Variants in GRIK1 observed in about 807,000 individuals in gnomAD.
GRIK1 encodes the protein glutamate ionotropic receptor kainate type subunit 1, also known as glutamate receptor ionotropic, kainate 1.
In GRIK1, 69 loss-of-function variants were observed where a neutral mutation model predicts 105.7. That is an observed-to-expected ratio of 0.65 (90% CI 0.54 to 0.80). GRIK1 has a LOEUF of 0.80. Ranked by LOEUF, GRIK1 falls within the 30% of genes least tolerant of loss-of-function variation. GRIK1 has a pLI of 0.00. For missense variants in GRIK1, 1,109 were observed against 1,167.3 expected (o/e 0.95, Z 0.73); for synonymous variants, 438 against 431.3 (o/e 1.02, Z -0.19).
At chr21:29,577,477 G>A (rs897161299) in intron 13 of GRIK1, among the ~76,000 whole-genome samples, 1 of 152,172 alleles carries the variant, frequency 6.6e-6, no homozygotes, top group African/African-American at 2.4e-5. Context: ...GAATTGAAAA[G>A]TCAACCCCAA....
At chr21:29,717,270 G>C (rs2064201197) in intron 1 of GRIK1, among the ~76,000 whole-genome samples, 1 of 152,240 alleles carries the variant, frequency 6.6e-6, no homozygotes, top group African/African-American at 2.4e-5. Context: ...CCCCCACACA[G>C]AGTCCCCACT....
At chr21:29,902,728 T>C (rs1262560622) in intron 1 of GRIK1, among the ~76,000 whole-genome samples, 4 of 152,170 alleles carry the variant, frequency 2.6e-5, no homozygotes, top group African/African-American at 9.7e-5. Context: ...CCAAAGTAAT[T>C]TATAGACTCA....
chr21:29,544,990 C>T (rs1284830395), intron 16 of GRIK1, among the ~76,000 whole-genome samples: 1 of 152,238 alleles, frequency 6.6e-6, no homozygotes, highest in East Asian at 1.9e-4. Flanking sequence ...GTCTCTGTCT[C>T]AGGCATTCAG....
intron 13 of GRIK1, among the ~76,000 whole-genome samples, chr21:29,580,548 C>A (rs1601173928): frequency 6.6e-6 from 1 of 152,068 alleles, no homozygotes; most frequent in East Asian, 1.9e-4. Context: ...TAGCAATTCC[C>A]TAATGAGAAA....
intron 7 of GRIK1, among the ~76,000 whole-genome samples, chr21:29,623,184 A>G (rs564681071): frequency 9.8e-4 from 149 of 152,322 alleles, no homozygotes; most frequent in African/African-American, 3.5e-3. Flanking sequence ...GCAAAGGAAC[A>G]TCTTATATGG....
Position 29,787,543 on chromosome 21 carries a change from T to C in GRIK1, c.119-93480A>G, listed in dbSNP as rs138676993. On this transcript the variant is annotated intron_variant, in intron 1 of 17. Coordinates refer to ENST00000327783, the MANE Select transcript of GRIK1 (RefSeq NM_001330994.2). ...CACTAATGGACTTTGCACAGCACAATCATTATTAGAAATGCCACTGTGACA... is the reference window on the plus strand; with the variant it reads ...CACTAATGGACTTTGCACAGCACAACCATTATTAGAAATGCCACTGTGACA... Among the ~76,000 whole-genome samples, 487 of 152,338 alleles carry C rather than the reference T, an allele frequency of 3.2e-3. 3 individuals carry two copies. Among genetic ancestry groups the C allele is most frequent in the African/African-American group, 0.011 (474 of 41,586 alleles).
At chr21:29,797,334 C>T (rs974715356) in intron 1 of GRIK1, among the ~76,000 whole-genome samples, 3 of 152,158 alleles carry the variant, frequency 2.0e-5, no homozygotes, top group Non-Finnish European at 4.4e-5. Flanking sequence ...CCTTTCTCAC[C>T]CACGGTTCTG....
intron 1 of GRIK1, among the ~76,000 whole-genome samples, chr21:29,717,325 G>A (rs932793533): frequency 7.2e-5 from 11 of 152,230 alleles, no homozygotes; most frequent in African/African-American, 2.7e-4. Flanking sequence ...CCATCCTCCA[G>A]ACCCCAGGAT....
chr21:29,688,570 A>G (rs926169886), intron 3 of GRIK1, among the ~76,000 whole-genome samples: 1 of 152,248 alleles, frequency 6.6e-6, no homozygotes, highest in African/African-American at 2.4e-5. Flanking sequence ...ATGTGGAATT[A>G]CTAAACTGTT....
chr21:29,575,897 A>G (rs980270059), intron 14 of GRIK1, among the ~76,000 whole-genome samples: 6 of 152,100 alleles, frequency 3.9e-5, no homozygotes, highest in Non-Finnish European at 7.4e-5. Flanking sequence ...AAAACCCCAA[A>G]CAGTCCACTC....
At chr21:29,714,122 T>C (rs1436796122) in intron 1 of GRIK1, among the ~76,000 whole-genome samples, 3 of 152,246 alleles carry the variant, frequency 2.0e-5, no homozygotes, top group Non-Finnish European at 2.9e-5. Context: ...CAGGTTATTC[T>C]ATAGTTATAA....
chr21:29,767,131 G>A (rs1194479965), intron 1 of GRIK1, among the ~76,000 whole-genome samples: 2 of 152,168 alleles, frequency 1.3e-5, no homozygotes, highest in African/African-American at 4.8e-5. Context: ...GGGTAGAATG[G>A]TGCCCATGGA....
At chr21:29,692,991 A>G (rs1328854008) in intron 2 of GRIK1, among the ~76,000 whole-genome samples, 1 of 152,254 alleles carries the variant, frequency 6.6e-6, no homozygotes, top group African/African-American at 2.4e-5. Context: ...ATCTAACTAG[A>G]TTAATTCTAC....
chr21:29,852,779 C>T (rs2068347864), intron 1 of GRIK1, among the ~76,000 whole-genome samples: 1 of 152,036 alleles, frequency 6.6e-6, no homozygotes, highest in South Asian at 2.1e-4. Flanking sequence ...TAATTTTTTC[C>T]ATCTTGGCAC....
chr21:29,663,403 C>T (rs532145537), intron 4 of GRIK1, among the ~76,000 whole-genome samples: 1 of 152,246 alleles, frequency 6.6e-6, no homozygotes, highest in Non-Finnish European at 1.5e-5. Flanking sequence ...AAATGCTGGA[C>T]TCAGCTGTGA....
At chr21:29,706,877 T>A (rs2063918956) in intron 1 of GRIK1, among the ~76,000 whole-genome samples, 1 of 152,218 alleles carries the variant, frequency 6.6e-6, no homozygotes, top group Admixed American at 6.5e-5. Flanking sequence ...AGGCATTTTT[T>A]TTTTTGAGGC....
At chr21:29,816,410 T>C (rs2067155722) in intron 1 of GRIK1, among the ~76,000 whole-genome samples, 1 of 151,848 alleles carries the variant, frequency 6.6e-6, no homozygotes, top group Non-Finnish European at 1.5e-5. Context: ...AAATTAAAAA[T>C]AAAAATACCA....
chr21:29,818,224 G>A (rs2145916235), intron 1 of GRIK1, among the ~76,000 whole-genome samples: 2 of 152,132 alleles, frequency 1.3e-5, no homozygotes, highest in South Asian at 4.1e-4. Context: ...CAAATCCAAA[G>A]TAAATAATAA....
chr21:29,808,796 A>G (rs189640478), intron 1 of GRIK1, among the ~76,000 whole-genome samples: 10 of 152,256 alleles, frequency 6.6e-5, no homozygotes, highest in Admixed American at 5.2e-4. Flanking sequence ...GCAGTTCAAA[A>G]TGTAGTTTAT....
Sources: allele counts gnomAD v4.1 joint callset (sites outside exome capture counted in the v4.1 genomes callset), GRCh38; gene constraint gnomAD v4.1.1; transcripts MANE v1.5; gene names NCBI Gene and HGNC (gene_info 2026-07-23, HGNC 2026-07-21).